The following THSD4 variants were observed in gnomAD, a reference collection of about 807,000 sequenced individuals.
THSD4 encodes the protein thrombospondin type-1 domain-containing protein 4.
Under a neutral mutation model 119.0 loss-of-function variants are expected in THSD4, and 69 were observed. The observed-to-expected ratio is 0.58, with a 90% CI of 0.48 to 0.71. The LOEUF is 0.71. THSD4 is among the 30% of genes least tolerant of loss of function. The probability of loss-of-function intolerance (pLI) is 0.00; values close to 1 mark genes in which losing one functional copy is unlikely to be tolerated. For missense variants in THSD4, 1,393 were observed against 1,391.1 expected (o/e 1.00, Z -0.02); for synonymous variants, 524 against 540.4 (o/e 0.97, Z 0.42).
At position 71,290,193 on chromosome 15, in the gene THSD4, AG is replaced by A. The variant is rs550449769; in HGVS notation, c.1015+33479del. Among the ~76,000 whole-genome samples, 8 of 152,294 alleles carry A rather than the reference AG, an allele frequency of 5.3e-5. No individual in the cohort carries two copies. In the East Asian group the frequency reaches 1.5e-3, roughly 29 times the overall value. On this transcript the variant is annotated intron_variant, in intron 6 of 17. Transcript: ENST00000261862. ...TGGTGACCATGGGCAACAGTGTATG[AG>A]ACATGTCTGTAGCCTTAGGCCTGGT... is the stretch of plus-strand genomic sequence containing the variant.
chr15:71,320,819 A>C (rs1479848194), intron 6 of THSD4, among the ~76,000 whole-genome samples: 1 of 152,014 alleles, frequency 6.6e-6, no homozygotes, highest in Non-Finnish European at 1.5e-5. Context: ...TTTTTTCAAC[A>C]TCAAGGAAGA....
chr15:71,565,543 A>C (rs926404522), intron 7 of THSD4, among the ~76,000 whole-genome samples: 2 of 152,216 alleles, frequency 1.3e-5, no homozygotes, highest in African/African-American at 4.8e-5. Flanking sequence ...ATAAGTTGCT[A>C]ATTGCATGGA....
intron 7 of THSD4, among the ~76,000 whole-genome samples, chr15:71,642,163 TAGAC>T (rs1458043677): frequency 6.6e-5 from 10 of 152,088 alleles, no homozygotes; most frequent in Admixed American, 2.6e-4. Flanking sequence ...CAAAATCAGA[TAGAC>T]AGGGCTCTTG....
Position 71,586,689 on chromosome 15 carries a change from A to C in THSD4, c.1153-73841A>C, listed in dbSNP as rs539133670. On this transcript the variant is annotated intron_variant, in intron 7 of 17. Transcript: ENST00000261862. ...ACTCTGATAATTTTTCTGAAGGTCAACTGTGCCATTTAACATAACCTAATT... is the reference window on the plus strand; with the variant it reads ...ACTCTGATAATTTTTCTGAAGGTCACCTGTGCCATTTAACATAACCTAATT... 3.9e-5 allele frequency among the ~76,000 whole-genome samples: 6 copies of C among 152,358 alleles called. No homozygotes were observed. The East Asian group carries it at 1.2e-3, about 29-fold the overall frequency.
At chr15:71,486,105 G>T (rs556766911) in intron 7 of THSD4, among the ~76,000 whole-genome samples, 3 of 152,074 alleles carry the variant, frequency 2.0e-5, no homozygotes, top group East Asian at 3.9e-4. Context: ...TATATTGCAG[G>T]ATATAACATT....
At chr15:71,740,590 C>T (rs2053215460) in intron 11 of THSD4, among the ~76,000 whole-genome samples, 1 of 152,172 alleles carries the variant, frequency 6.6e-6, no homozygotes, top group African/African-American at 2.4e-5. Flanking sequence ...GTGTCTCCTC[C>T]AGACGCTCCC....
chr15:71,138,312 T>C (rs1355746659), intron 1 of THSD4, among the ~76,000 whole-genome samples: 1 of 152,104 alleles, frequency 6.6e-6, no homozygotes, highest in East Asian at 1.9e-4. Flanking sequence ...AAGAACAGCA[T>C]GGGGGAAATT....
intron 8 of THSD4, among the ~76,000 whole-genome samples, chr15:71,677,159 C>T (rs2051669218): frequency 6.6e-6 from 1 of 152,196 alleles, no homozygotes; most frequent in South Asian, 2.1e-4. Flanking sequence ...CAATGGTCAG[C>T]TCTGAGGCAT....
At chr15:71,203,547 T>C (rs1275817162) in intron 3 of THSD4, among the ~76,000 whole-genome samples, 1 of 152,132 alleles carries the variant, frequency 6.6e-6, no homozygotes, top group African/African-American at 2.4e-5. Flanking sequence ...TAATCCCAGC[T>C]ACTCAGGAGG....
intron 3 of THSD4, among the ~76,000 whole-genome samples, chr15:71,214,427 A>G (rs935026266): frequency 6.6e-6 from 1 of 152,258 alleles, no homozygotes; most frequent in African/African-American, 2.4e-5. Context: ...CTGCGGCTTC[A>G]TTCTTGAAGT....
At chr15:71,562,270 A>C (rs922075113) in intron 7 of THSD4, among the ~76,000 whole-genome samples, 6 of 152,152 alleles carry the variant, frequency 3.9e-5, no homozygotes, top group Non-Finnish European at 7.3e-5. Context: ...AATGTGTTCA[A>C]AGCTATTTGT....
At chr15:71,254,595 C>T (rs568282692) in intron 5 of THSD4, among the ~76,000 whole-genome samples, 11 of 152,328 alleles carry the variant, frequency 7.2e-5, no homozygotes, top group African/African-American at 2.6e-4. Context: ...GTTTCTTTCT[C>T]GAAGCCGTAC....
intron 6 of THSD4, among the ~76,000 whole-genome samples, chr15:71,325,569 C>T (rs1413560809): frequency 6.6e-6 from 1 of 152,220 alleles, no homozygotes; most frequent in Non-Finnish European, 1.5e-5. Flanking sequence ...GGATATGTCA[C>T]AGTCACAGTC....
intron 16 of THSD4, 110 bp from the exon 17 acceptor site, chr15:71,770,954 A>G (rs1206786865): frequency 4.7e-6 from 7 of 1,495,358 alleles, no homozygotes; most frequent in Non-Finnish European, 5.4e-6. Context: ...TTGTTTTCAT[A>G]TTCTGTCTCC....
intron 7 of THSD4, among the ~76,000 whole-genome samples, chr15:71,574,684 T>C (rs1271136381): frequency 6.6e-6 from 1 of 152,108 alleles, no homozygotes; most frequent in African/African-American, 2.4e-5. Context: ...TGAGCCTCAG[T>C]TTGTAGTGCC....
chr15:71,707,269 T>G (rs1300709419), intron 8 of THSD4, among the ~76,000 whole-genome samples: 1 of 151,498 alleles, frequency 6.6e-6, no homozygotes, highest in African/African-American at 2.4e-5. Flanking sequence ...CCCACACGAG[T>G]TGGTCAGTAG....
intron 17 of THSD4, among the ~76,000 whole-genome samples, chr15:71,773,200 C>T (rs973382538): frequency 1.8e-5 from 1 of 54,064 alleles, no homozygotes; most frequent in Non-Finnish European, 3.8e-5. Flanking sequence ...GACCATGTCT[C>T]AAAAAAAAAA....
At chr15:71,448,576 A>T (rs547747860) in intron 7 of THSD4, among the ~76,000 whole-genome samples, 3 of 152,146 alleles carry the variant, frequency 2.0e-5, no homozygotes, top group Non-Finnish European at 4.4e-5. Context: ...ATTTTTGTGG[A>T]TACATAGTAG....
chr15:71,492,026 C>A (rs1385782246), intron 7 of THSD4, among the ~76,000 whole-genome samples: 1 of 151,606 alleles, frequency 6.6e-6, no homozygotes, highest in Non-Finnish European at 1.5e-5. Context: ...TCTTCATTAT[C>A]ACTTTTATTT....
Sources: gnomAD v4.1 joint callset for allele counts (sites outside exome capture counted in the v4.1 genomes callset) on GRCh38, gnomAD v4.1.1 for gene constraint, MANE v1.5 for transcripts, NCBI Gene and HGNC (gene_info 2026-07-23, HGNC 2026-07-21) for gene names.